Variants in EBF3 observed in about 807,000 individuals in gnomAD.
EBF3 encodes EBF transcription factor 3, also known as transcription factor COE3.
Under a neutral mutation model 77.1 loss-of-function variants are expected in EBF3, and 18 were observed. The observed-to-expected ratio is 0.23, with a 90% CI of 0.16 to 0.35. The LOEUF (loss-of-function observed/expected upper bound fraction) is 0.35, where lower values mean the gene tolerates loss of function less well. Among genes scored for constraint, EBF3 ranks in the 10% least tolerant of loss-of-function variants. The pLI is 1.00. For missense variants in EBF3, 558 were observed against 860.0 expected (o/e 0.65, Z 4.39); for synonymous variants, 350 against 343.5 (o/e 1.02, Z -0.21).
chr10:129,840,140 A>G, intron 15 of EBF3, 105 bp downstream of exon 15: 7 of 1,396,270 alleles, frequency 5.0e-6, no homozygotes, highest in Non-Finnish European at 6.7e-6. Flanking sequence ...GAGAACATGC[A>G]GCAGTCACAG....
chr10:129,963,856 G>T lies in EBF3; in HGVS notation c.-88C>A. 7.2e-7 allele frequency: 1 copy of T among 1,387,242 alleles called. No individual in the cohort carries two copies. The highest frequency in any genetic ancestry group is 3.8e-5 in the East Asian group (1 of 26,146). The allele number at this position is 1,387,242 out of a possible 1,614,324, so 85.9% of individuals were successfully genotyped here. A position where few individuals can be genotyped will look rare whatever the true frequency, so the allele number is the denominator to read the frequency against. On this transcript the variant is annotated 5_prime_UTR_variant, in exon 1 of 17. Coordinates refer to ENST00000440978, the MANE Select transcript of EBF3 (RefSeq NM_001375380.1). This position sits in a 1 kb window ranked among gnomAD's most constrained non-coding sequence, Gnocchi z 7.1. ...GGGCTTGGCGGCAGGCGGCTGCCCT[G>T]GCCGCCCTCGCCCTGCTCGGCGCCT...
chr10:129,955,233 C>G (rs981784614), intron 6 of EBF3, among the ~76,000 whole-genome samples: 3 of 152,096 alleles, frequency 2.0e-5, no homozygotes, highest in Non-Finnish European at 4.4e-5. Context: ...ATAAAACTAC[C>G]CTCACCTTAA....
intron 11 of EBF3, among the ~76,000 whole-genome samples, chr10:129,844,584 C>T (rs896565637): frequency 6.6e-6 from 1 of 152,134 alleles, no homozygotes; most frequent in African/African-American, 2.4e-5. Flanking sequence ...CCCCAACATG[C>T]CGACTCTGGA....
chr10:129,910,175 C>T (rs1564879939), intron 6 of EBF3, among the ~76,000 whole-genome samples: 1 of 152,234 alleles, frequency 6.6e-6, no homozygotes, highest in Non-Finnish European at 1.5e-5. Context: ...CAGAGCTCTG[C>T]CCAAATGAGG....
rs1209223443 is a variant in EBF3 at position 129,952,062 on chromosome 10, A to C, written c.554+5196T>G. Reference sequence around the variant, plus strand: ...TCTTTGTAGCCACATCCATTCATCCAAAAGGTGTTTTAATATTGCCAAATT... The same window carrying C: ...TCTTTGTAGCCACATCCATTCATCCCAAAGGTGTTTTAATATTGCCAAATT... On this transcript the variant is annotated intron_variant, in intron 6 of 16. Coordinates refer to ENST00000440978, the MANE Select transcript of EBF3 (RefSeq NM_001375380.1). This position sits in a 1 kb window ranked among gnomAD's most constrained non-coding sequence, Gnocchi z 4.7. Among the ~76,000 whole-genome samples, 1 of 152,224 alleles carries C rather than the reference A, an allele frequency of 6.6e-6. No homozygotes were observed. The highest frequency in any genetic ancestry group is 1.5e-5 in the Non-Finnish European group (1 of 68,034).
At chr10:129,920,578 C>T (rs1856225465) in intron 6 of EBF3, among the ~76,000 whole-genome samples, 1 of 152,254 alleles carries the variant, frequency 6.6e-6, no homozygotes, top group African/African-American at 2.4e-5. Flanking sequence ...TTCAACCAGC[C>T]TTTCTGGAAC....
Position 129,841,176 on chromosome 10 carries a change from C to G in EBF3, c.1373-144G>C, listed in dbSNP as rs1380125211. ...CCTGCTCTAGCGCCTGCTGCCAGCT[C>G]GGATGACCTTATCACGCCAACCCTG... On this transcript the variant is annotated intron_variant, in intron 13 of 16. Transcript: ENST00000440978. This position sits in a 1 kb window ranked among gnomAD's most constrained non-coding sequence, Gnocchi z 4.6. The G allele has an allele frequency of 8.8e-7, 1 of 1,131,214 alleles. No individual in the cohort carries two copies. Among genetic ancestry groups the G allele is most frequent in the African/African-American group, 1.6e-5 (1 of 64,380 alleles). 70.1% of individuals were successfully genotyped at this position (1,131,214 alleles called of 1,614,324 possible). A position where few individuals can be genotyped will look rare whatever the true frequency, so the allele number is the denominator to read the frequency against.
intron 14 of EBF3, 124 bp downstream of exon 14, chr10:129,840,720 C>A: frequency 7.2e-7 from 1 of 1,383,758 alleles, no homozygotes; most frequent in Non-Finnish European, 9.7e-7. Flanking sequence ...GGACGCCCAG[C>A]CTCCAGGGCC....
intron 6 of EBF3, among the ~76,000 whole-genome samples, chr10:129,896,817 A>G (rs1399952474): frequency 6.6e-6 from 1 of 152,284 alleles, no homozygotes; most frequent in East Asian, 1.9e-4. Context: ...GCCCGTAGCC[A>G]CCTTTCGCCC....
At chr10:129,942,883 G>A (rs1026293443) in intron 6 of EBF3, among the ~76,000 whole-genome samples, 8 of 152,176 alleles carry the variant, frequency 5.3e-5, no homozygotes, top group Non-Finnish European at 1.2e-4. Context: ...TGTGCAGAAC[G>A]CTCAGGTACA....
intron 6 of EBF3, among the ~76,000 whole-genome samples, chr10:129,880,356 C>T (rs952866515): frequency 6.7e-6 from 1 of 150,036 alleles, no homozygotes; most frequent in Non-Finnish European, 1.5e-5. Flanking sequence ...CCCACAGACA[C>T]ACATGCCCAC....
In EBF3 at chr10:129,864,337, G is replaced by A. The variant is rs1851847616; in HGVS notation, c.1039+2804C>T. 6.6e-6 allele frequency among the ~76,000 whole-genome samples: 1 copy of A among 152,168 alleles called. No homozygotes were observed. Among genetic ancestry groups the A allele is most frequent in the South Asian group, 2.1e-4 (1 of 4,832 alleles). On this transcript the variant is annotated intron_variant, in intron 10 of 16. Transcript: ENST00000440978. This position sits in a 1 kb window ranked among gnomAD's most constrained non-coding sequence, Gnocchi z 4.4. ...CACACCATGTGATACCTGCCAGCCA[G>A]TGACAGGCAGCTCCTCCCACCCTAC...
In EBF3 at chr10:129,958,951, G is replaced by C. The variant is rs1859259722; in HGVS notation, c.468C>G (p.Thr156=). ...CCGCTCACCTGCACATGATCTCGTGGGTCAGCAGCACACGGCACATCTCCG... is the reference window on the plus strand; with the variant it reads ...CCGCTCACCTGCACATGATCTCGTGCGTCAGCAGCACACGGCACATCTCCG... ...KNPEMCRVLL[T]HEIMCSRCCD... is the part of the protein sequence containing the mutation. Residue 156 remains threonine, a synonymous_variant, in exon 5 of 17, where the codon ACC becomes ACG. Coordinates refer to ENST00000440978, the MANE Select transcript of EBF3 (RefSeq NM_001375380.1). 1 of 1,599,656 alleles carries C rather than the reference G, an allele frequency of 6.3e-7. No individual in the cohort carries two copies. The highest frequency in any genetic ancestry group is 1.7e-5 in the Admixed American group (1 of 59,028).
chr10:129,925,946 T>G (rs1389817916), intron 6 of EBF3, among the ~76,000 whole-genome samples: 2 of 152,154 alleles, frequency 1.3e-5, no homozygotes, highest in African/African-American at 4.8e-5. Context: ...AGTGAAGATC[T>G]GTGGAATCCC....
rs544359188 is a variant in EBF3 at position 129,862,369 on chromosome 10, C to T, written c.1039+4772G>A. On this transcript the variant is annotated intron_variant, in intron 10 of 16. Coordinates refer to ENST00000440978, the MANE Select transcript of EBF3 (RefSeq NM_001375380.1). ...CGTCAAGAGCTCCCTGTGTCCACTT[C>T]GGATGTGGTTGCTATCGACTGCCAA... Among the ~76,000 whole-genome samples the T allele has an allele frequency of 1.2e-4, 18 of 152,234 alleles. No homozygotes were observed. In the East Asian group the frequency reaches 3.1e-3, roughly 26 times the overall value.
At chr10:129,937,551 T>C (rs1020588785) in intron 6 of EBF3, among the ~76,000 whole-genome samples, 2 of 152,158 alleles carry the variant, frequency 1.3e-5, no homozygotes, top group Non-Finnish European at 2.9e-5. Flanking sequence ...ACATTCCCAT[T>C]CAGGCAGCTA....
chr10:129,867,075 T>A, intron 10 of EBF3, 66 bp downstream of exon 10: 1 of 1,567,140 alleles, frequency 6.4e-7, no homozygotes, highest in Non-Finnish European at 8.6e-7. Context: ...CGTGCCCTCA[T>A]GAGCACCTCC....
At chr10:129,908,856 A>C (rs954682941) in intron 6 of EBF3, among the ~76,000 whole-genome samples, 1 of 152,226 alleles carries the variant, frequency 6.6e-6, no homozygotes, top group Non-Finnish European at 1.5e-5. Flanking sequence ...TCCAGTTTAC[A>C]CCAATAAGTA....
chr10:129,841,125 A>T lies in EBF3; in HGVS notation c.1373-93T>A. 1 of 1,486,994 alleles carries T rather than the reference A, an allele frequency of 6.7e-7. No homozygotes were observed. Among genetic ancestry groups the T allele is most frequent in the Non-Finnish European group, 9.1e-7 (1 of 1,104,822 alleles). The allele number at this position is 1,486,994 out of a possible 1,614,324, so 92.1% of individuals were successfully genotyped here. A position where few individuals can be genotyped will look rare whatever the true frequency, so the allele number is the denominator to read the frequency against. ...CCGAGAATCTATATCATATATTAACATTGCTAATTGACCCTGTGCTTTCCA... is the reference window on the plus strand; with the variant it reads ...CCGAGAATCTATATCATATATTAACTTTGCTAATTGACCCTGTGCTTTCCA... On this transcript the variant is annotated intron_variant, in intron 13 of 16. Transcript: ENST00000440978. This position sits in a 1 kb window ranked among gnomAD's most constrained non-coding sequence, Gnocchi z 4.6.
Sources: allele counts gnomAD v4.1 joint callset (sites outside exome capture counted in the v4.1 genomes callset), GRCh38; gene constraint gnomAD v4.1.1; non-coding constraint Gnocchi (gnomAD v3.1); transcripts MANE v1.5; gene names NCBI Gene and HGNC (gene_info 2026-07-23, HGNC 2026-07-21).